The following TSPAN4 variants were observed in gnomAD, a reference collection of about 807,000 sequenced individuals.
TSPAN4 encodes tetraspanin-4.
Under a neutral mutation model 31.5 loss-of-function variants are expected in TSPAN4, and 38 were observed. The observed-to-expected ratio is 1.21, with a 90% CI of 0.93 to 1.58. TSPAN4 has a LOEUF of 1.58. Ranked by LOEUF, TSPAN4 falls within the 40% of genes most tolerant of loss-of-function variation. The pLI is 0.00. For synonymous variants in TSPAN4, 186 were observed against 144.6 expected (o/e 1.29, Z -2.06); for missense variants, 330 against 317.3 (o/e 1.04, Z -0.30).
At chr11:863,114 A>C in intron 4 of TSPAN4, 1 of 173,350 alleles carries the variant, frequency 5.8e-6, no homozygotes, top group East Asian at 1.6e-4. Flanking sequence ...CCCCACCCCC[A>C]CTGTGGCCCC....
chr11:846,649 G>C (rs1401503186), intron 1 of TSPAN4, among the ~76,000 whole-genome samples: 2 of 152,230 alleles, frequency 1.3e-5, no homozygotes, highest in African/African-American at 4.8e-5. Context: ...TGGTGGAGGA[G>C]GGCCTTGCGG....
At chr11:850,213 AG>A in intron 2 of TSPAN4, 74 bp from the exon 3 acceptor site, 1 of 1,269,510 alleles carries the variant, frequency 7.9e-7, no homozygotes. Context: ...AAGGCGGCCC[AG>A]GCGCGCTACA....
intron 4 of TSPAN4, 126 bp downstream of exon 4, chr11:862,867 AG>A: frequency 3.7e-6 from 4 of 1,075,510 alleles, no homozygotes; most frequent in Non-Finnish European, 5.2e-6. Context: ...CCGGACCTCC[AG>A]GCTGGCAGTG....
At chr11:853,058 G>A (rs2134010949) in intron 3 of TSPAN4, among the ~76,000 whole-genome samples, 1 of 152,174 alleles carries the variant, frequency 6.6e-6, no homozygotes, top group South Asian at 2.1e-4. Flanking sequence ...GTGTGGCTGT[G>A]GGTGTGGGGG....
intron 3 of TSPAN4, among the ~76,000 whole-genome samples, chr11:852,219 G>A (rs1847790335): frequency 1.3e-5 from 2 of 152,148 alleles, no homozygotes. Context: ...CATCTCTGGG[G>A]TTCAAGCGAT....
intron 3 of TSPAN4, 86 bp from the exon 4 acceptor site, chr11:862,464 G>A (rs2134056291): frequency 1.5e-6 from 2 of 1,302,116 alleles, no homozygotes; most frequent in South Asian, 2.9e-5. Context: ...CATGGCTTTG[G>A]GCTTGTGGGC....
chr11:856,076 C>A (rs1848028355), intron 3 of TSPAN4, among the ~76,000 whole-genome samples: 1 of 152,160 alleles, frequency 6.6e-6, no homozygotes, highest in Non-Finnish European at 1.5e-5. Flanking sequence ...CAGCACCTGC[C>A]CAAGAGGCTC....
chr11:847,562 G>A (rs927413351), intron 2 of TSPAN4, among the ~76,000 whole-genome samples: 8 of 152,146 alleles, frequency 5.3e-5, no homozygotes, highest in South Asian at 2.1e-4. Flanking sequence ...GGGCAACCCA[G>A]TGTGAATCTT....
intron 3 of TSPAN4, among the ~76,000 whole-genome samples, chr11:853,175 C>T (rs956889410): frequency 6.6e-6 from 1 of 151,996 alleles, no homozygotes; most frequent in Non-Finnish European, 1.5e-5. Flanking sequence ...GGTCAGGGTG[C>T]AGCTTCCCTC....
chr11:848,481 C>T lies in TSPAN4; in HGVS notation c.-18+1181C>T, dbSNP rs1244272750. Among the ~76,000 whole-genome samples the T allele has an allele frequency of 6.6e-6, 1 of 151,926 alleles. No homozygotes were observed. The highest frequency in any genetic ancestry group is 1.5e-5 in the Non-Finnish European group (1 of 67,948). The stretch of plus-strand genomic sequence containing the variant: ...AGTTCTCTACAGAGCCCTTGGGGGG[C>T]AGCAGAGGCTTGGGGCACCCAGCCC... On this transcript the variant is annotated intron_variant, in intron 2 of 8. Transcript: ENST00000397397. The surrounding 1 kb of genome is among the most constrained non-coding windows in gnomAD (Gnocchi z 5.7).
intron 2 of TSPAN4, among the ~76,000 whole-genome samples, chr11:849,587 C>G (rs7945642): frequency 0.67 from 102,050 of 151,948 alleles, 35,812 homozygotes; most frequent in Admixed American, 0.78. Context: ...GCCTCCAGTC[C>G]CCTCAGGCGC....
intron 3 of TSPAN4, among the ~76,000 whole-genome samples, chr11:852,742 C>T (rs1370621657): frequency 6.6e-6 from 1 of 152,226 alleles, no homozygotes; most frequent in Non-Finnish European, 1.5e-5. Context: ...GGGGCTTTTG[C>T]CGCCCACTCC....
intron 2 of TSPAN4, among the ~76,000 whole-genome samples, chr11:849,350 T>G (rs1193193788): frequency 6.6e-6 from 1 of 151,888 alleles, no homozygotes; most frequent in Non-Finnish European, 1.5e-5. Context: ...CCGCCGGCAC[T>G]CAGGGCTTCC....
At chr11:850,467 C>A in intron 3 of TSPAN4, 100 bp downstream of exon 3, 2 of 1,028,242 alleles carry the variant, frequency 1.9e-6, no homozygotes, top group Non-Finnish European at 2.9e-6. Context: ...CCCGGCCAGG[C>A]GTTGGGTGCG....
At chr11:844,744 C>G (rs867940171) in intron 1 of TSPAN4, among the ~76,000 whole-genome samples, 1 of 147,904 alleles carries the variant, frequency 6.8e-6, no homozygotes, top group Admixed American at 6.7e-5. Context: ...GAGGGTGAGG[C>G]GCTGGTTTTA....
intron 3 of TSPAN4, among the ~76,000 whole-genome samples, chr11:853,032 G>A (rs1232078502): frequency 6.6e-6 from 1 of 152,026 alleles, no homozygotes; most frequent in Non-Finnish European, 1.5e-5. Context: ...TGACTGGGGG[G>A]CTGTGCCCGT....
At position 846,606 on chromosome 11, in the gene TSPAN4, A is replaced by AG. The variant is rs1394827726; in HGVS notation, c.-117-593dup. Among the ~76,000 whole-genome samples the AG allele has an allele frequency of 5.9e-5, 9 of 151,330 alleles. No homozygotes were observed. The East Asian group carries it at 1.5e-3, about 26-fold the overall frequency. On this transcript the variant is annotated intron_variant, in intron 1 of 8. Coordinates refer to ENST00000397397, the MANE Select transcript of TSPAN4 (RefSeq NM_003271.5). ...CCCTGGCCAGAAATCCCTGAGTGCCAGGAGGAGGACAGACTCCCCAGCCTG... is the reference window on the plus strand; with the variant it reads ...CCCTGGCCAGAAATCCCTGAGTGCCAGGGAGGAGGACAGACTCCCCAGCCTG...
At chr11:847,955 G>A (rs1350011091) in intron 2 of TSPAN4, among the ~76,000 whole-genome samples, 1 of 152,212 alleles carries the variant, frequency 6.6e-6, no homozygotes, top group East Asian at 1.9e-4. Flanking sequence ...TGGCTCGGGT[G>A]GTGTTTTTGA....
chr11:849,839 C>T (rs1359151349), intron 2 of TSPAN4: 1 of 146,954 alleles, frequency 6.8e-6, no homozygotes, highest in Non-Finnish European at 1.5e-5. Context: ...GCGGGGGCCG[C>T]AGCGCGCGGG....
Sources: gnomAD v4.1 joint callset for allele counts (sites outside exome capture counted in the v4.1 genomes callset) on GRCh38, gnomAD v4.1.1 for gene constraint, Gnocchi (gnomAD v3.1) non-coding constraint, MANE v1.5 for transcripts, NCBI Gene and HGNC (gene_info 2026-07-23, HGNC 2026-07-21) for gene names.